DSE: variants seen among roughly 807,000 people sequenced by gnomAD.
DSE encodes the protein dermatan-sulfate epimerase.
DSE carries 36 observed loss-of-function variants against 84.4 expected under a neutral mutation model. That is an observed-to-expected ratio of 0.43 (90% CI 0.33 to 0.56). The LOEUF is 0.56. DSE is among the 20% of genes least tolerant of loss of function. DSE has a pLI of 0.06. For missense variants in DSE, 862 were observed against 1,169.6 expected (o/e 0.74, Z 3.84); for synonymous variants, 410 against 430.1 (o/e 0.95, Z 0.58).
chr6:116,302,139 G>C (rs976813512), intron 2 of DSE, among the ~76,000 whole-genome samples: 3 of 152,118 alleles, frequency 2.0e-5, no homozygotes, highest in African/African-American at 7.2e-5. Context: ...GTAATCCTTT[G>C]GGTATATACC....
intron 2 of DSE, among the ~76,000 whole-genome samples, chr6:116,265,515 G>C (rs996736150): frequency 6.6e-6 from 1 of 152,264 alleles, no homozygotes; most frequent in East Asian, 1.9e-4. Context: ...GATGTGGGGA[G>C]TTGGTGTGAG....
chr6:116,346,670 A>C (rs891321257), intron 2 of DSE, among the ~76,000 whole-genome samples: 8 of 152,224 alleles, frequency 5.3e-5, no homozygotes, highest in African/African-American at 1.9e-4. Context: ...ATCATACTGA[A>C]TGGGCAAAAA....
At chr6:116,412,137 G>A (rs973056170) in intron 2 of DSE, among the ~76,000 whole-genome samples, 1 of 151,932 alleles carries the variant, frequency 6.6e-6, no homozygotes, top group African/African-American at 2.4e-5. Context: ...TGTATTCCCA[G>A]GACAAAAAAT....
Position 116,415,927 on chromosome 6 carries a change from G to C in DSE, c.417-10647G>C, listed in dbSNP as rs907397957. Among the ~76,000 whole-genome samples, 3 of 152,232 alleles carry C rather than the reference G, an allele frequency of 2.0e-5. No homozygotes were observed. In the East Asian group the frequency reaches 5.8e-4, roughly 29 times the overall value. ...ACTCAGTGGCCTAAAACAGCACAGA[G>C]TGATCTTACAGTTTTGTAGAAGTGT... On this transcript the variant is annotated intron_variant, in intron 2 of 5. Transcript: ENST00000644252.
At chr6:116,415,923 C>T (rs956878933) in intron 2 of DSE, among the ~76,000 whole-genome samples, 3 of 152,196 alleles carry the variant, frequency 2.0e-5, no homozygotes, top group African/African-American at 7.2e-5. Flanking sequence ...TAAAACAGCA[C>T]AGAGTGATCT....
chr6:116,424,837 G>A (rs563486504), intron 2 of DSE, among the ~76,000 whole-genome samples: 1 of 152,144 alleles, frequency 6.6e-6, no homozygotes, highest in Admixed American at 6.5e-5. Context: ...AACTTCTAAA[G>A]GAAAAACATA....
At chr6:116,417,905 T>A (rs1782820114) in intron 2 of DSE, among the ~76,000 whole-genome samples, 1 of 152,238 alleles carries the variant, frequency 6.6e-6, no homozygotes, top group African/African-American at 2.4e-5. Context: ...GGATAAGTTT[T>A]AATCAGTAGT....
chr6:116,417,682 A>G (rs901366967), intron 2 of DSE, among the ~76,000 whole-genome samples: 2 of 152,200 alleles, frequency 1.3e-5, no homozygotes, highest in African/African-American at 4.8e-5. Flanking sequence ...TTTACATTTC[A>G]GAGCTAATAA....
At chr6:116,259,117 G>A (rs878925452) in intron 2 of DSE, 38 of 1,405,898 alleles carry the variant, frequency 2.7e-5, no homozygotes, top group Middle Eastern at 2.2e-4. Flanking sequence ...CTCAGTCATC[G>A]TGAGAACACA....
chr6:116,369,194 G>T (rs1222684920), upstream of DSE, among the ~76,000 whole-genome samples: 3 of 152,178 alleles, frequency 2.0e-5, no homozygotes, highest in East Asian at 3.8e-4. Flanking sequence ...CCATTGGAAA[G>T]AATTTATTAT....
rs1299070761 is a variant in DSE at position 116,443,426 on chromosome 6, T to C, written c.*6081T>C. The C allele has an allele frequency of 2.0e-5, 3 of 152,264 alleles. No homozygotes were observed. The highest frequency in any genetic ancestry group is 4.4e-5 in the Non-Finnish European group (3 of 68,040). The allele number at this position is 152,264 out of a possible 1,614,324, so 9.4% of individuals were successfully genotyped here. A position where few individuals can be genotyped will look rare whatever the true frequency, so the allele number is the denominator to read the frequency against. On this transcript the variant is annotated 3_prime_UTR_variant, in exon 6 of 6. Coordinates refer to ENST00000644252, the MANE Select transcript of DSE (RefSeq NM_013352.4). The stretch of plus-strand genomic sequence containing the variant: ...TTTTCAGCTTGCCTTGTTCAGGGAC[T>C]TCACATAGAATGGTATAACTGGAGT...
At chr6:116,396,226 A>ATACACAG (rs1260917139) in intron 1 of DSE, among the ~76,000 whole-genome samples, 10 of 152,326 alleles carry the variant, frequency 6.6e-5, no homozygotes, top group Non-Finnish European at 1.3e-4. Flanking sequence ...ATAGAGGAAG[A>ATACACAG]AGGTTCTCAC....
intron 2 of DSE, among the ~76,000 whole-genome samples, chr6:116,324,237 T>G (rs1225546390): frequency 6.6e-6 from 1 of 152,216 alleles, no homozygotes; most frequent in Non-Finnish European, 1.5e-5. Context: ...TCTTACTTCA[T>G]CAGCTTGCCA....
intron 2 of DSE, among the ~76,000 whole-genome samples, chr6:116,286,491 A>G (rs1434463533): frequency 6.6e-6 from 1 of 152,218 alleles, no homozygotes. Flanking sequence ...TCTCAACTCT[A>G]TCAGACTGAA....
intron 2 of DSE, among the ~76,000 whole-genome samples, chr6:116,361,373 A>T (rs527937686): frequency 6.6e-6 from 1 of 152,254 alleles, no homozygotes; most frequent in South Asian, 2.1e-4. Context: ...ATAAGTTTTA[A>T]CATCAAGAAA....
intron 2 of DSE, chr6:116,278,905 A>G (rs1773301344): frequency 6.2e-7 from 1 of 1,613,912 alleles, no homozygotes; most frequent in Non-Finnish European, 8.5e-7. Context: ...GAGTTCCTTC[A>G]CCTCTAAATT....
At chr6:116,370,931 C>A, upstream of DSE, 1 of 985,458 alleles carries the variant, frequency 1.0e-6, no homozygotes, top group Non-Finnish European at 1.2e-6. Context: ...TACCCGCCCC[C>A]GCCGGCCCGG....
chr6:116,268,227 C>T (rs896499846), intron 2 of DSE, among the ~76,000 whole-genome samples: 11 of 152,180 alleles, frequency 7.2e-5, no homozygotes, highest in African/African-American at 2.7e-4. Flanking sequence ...ATGTTAGTTA[C>T]ACAACATATG....
At chr6:116,334,928 G>A (rs2114800901) in intron 2 of DSE, among the ~76,000 whole-genome samples, 1 of 152,280 alleles carries the variant, frequency 6.6e-6, no homozygotes, top group Non-Finnish European at 1.5e-5. Flanking sequence ...ACCTCCCACT[G>A]TTGGTGGAAG....
Sources: gnomAD v4.1 joint callset for allele counts (sites outside exome capture counted in the v4.1 genomes callset) on GRCh38, gnomAD v4.1.1 for gene constraint, MANE v1.5 for transcripts, NCBI Gene and HGNC (gene_info 2026-07-23, HGNC 2026-07-21) for gene names.